Variants in RAB27B observed in about 807,000 individuals in gnomAD.
The protein encoded by RAB27B is RAB27B, member RAS oncogene family.
In RAB27B, 15 loss-of-function variants were observed where a neutral mutation model predicts 24.6. The observed-to-expected ratio is 0.61, with a 90% CI of 0.41 to 0.94. The LOEUF (loss-of-function observed/expected upper bound fraction) is 0.94, where lower values mean the gene tolerates loss of function less well. Ranked by LOEUF, RAB27B falls within the 40% of genes least tolerant of loss-of-function variation. The pLI, the probability that RAB27B is intolerant of heterozygous loss-of-function variation, is 0.00. For synonymous variants in RAB27B, 105 were observed against 92.5 expected (o/e 1.14, Z -0.78); for missense variants, 261 against 266.8 (o/e 0.98, Z 0.15).
intron 2 of RAB27B, among the ~76,000 whole-genome samples, chr18:54,803,885 C>T (rs952645845): frequency 3.3e-5 from 5 of 152,054 alleles, no homozygotes; most frequent in African/African-American, 1.2e-4. Context: ...TTTGGAATTT[C>T]TAGTGGTGAA....
At chr18:54,785,436 GTTTTTTTT>G (rs59750951) in intron 2 of RAB27B, among the ~76,000 whole-genome samples, 1 of 101,698 alleles carries the variant, frequency 9.8e-6, no homozygotes, top group Non-Finnish European at 1.8e-5. Context: ...CCTTCCTCAG[GTTTTTTTT>G]TTTTTTTTTT....
At chr18:54,749,596 TTG>T (rs1330910611) in intron 2 of RAB27B, among the ~76,000 whole-genome samples, 9 of 152,190 alleles carry the variant, frequency 5.9e-5, no homozygotes, top group Non-Finnish European at 1.3e-4. Flanking sequence ...GTTCTCTAGA[TTG>T]TGTTTCACTT....
intron 2 of RAB27B, among the ~76,000 whole-genome samples, chr18:54,794,220 T>TGAAC (rs2145117396): frequency 6.6e-6 from 1 of 152,318 alleles, no homozygotes; most frequent in Admixed American, 6.5e-5. Context: ...AAAGTAGCTA[T>TGAAC]TATAGCACCC....
intron 2 of RAB27B, among the ~76,000 whole-genome samples, chr18:54,761,183 G>A (rs1325871649): frequency 1.3e-5 from 2 of 152,042 alleles, no homozygotes; most frequent in African/African-American, 4.8e-5. Context: ...TTCATACTGA[G>A]CCCCATTGTA....
At chr18:54,823,494 A>T (rs908502660), upstream of RAB27B, among the ~76,000 whole-genome samples, 4 of 152,208 alleles carry the variant, frequency 2.6e-5, no homozygotes, top group African/African-American at 9.7e-5. Context: ...TCAGTGACTC[A>T]TGCTACTAAA....
At chr18:54,792,769 ATG>A (rs1297601058) in intron 2 of RAB27B, among the ~76,000 whole-genome samples, 1 of 152,222 alleles carries the variant, frequency 6.6e-6, no homozygotes, top group Non-Finnish European at 1.5e-5. Flanking sequence ...ATGGAAGAAA[ATG>A]TGTTTTACAA....
rs535697030 is a variant in RAB27B at position 54,888,388 on chromosome 18, A to G, written c.467+270A>G. Reference sequence around the variant, plus strand: ...CATAACTAGAGTTATCTCATTTTATATATAAGAATTGAGTCACAGAGAGAT... The same window carrying G: ...CATAACTAGAGTTATCTCATTTTATGTATAAGAATTGAGTCACAGAGAGAT... On this transcript the variant is annotated intron_variant, in intron 5 of 5. Coordinates refer to ENST00000262094, the MANE Select transcript of RAB27B (RefSeq NM_004163.4). 8.5e-5 allele frequency among the ~76,000 whole-genome samples: 13 copies of G among 152,304 alleles called. No individual in the cohort carries two copies. In the East Asian group the frequency reaches 1.5e-3, roughly 18 times the overall value.
At chr18:54,769,539 C>T (rs775196618) in intron 2 of RAB27B, among the ~76,000 whole-genome samples, 1 of 151,486 alleles carries the variant, frequency 6.6e-6, no homozygotes, top group Non-Finnish European at 1.5e-5. Context: ...ATGATTTGGT[C>T]TATTGGTTTT....
chr18:54,780,528 C>T (rs1481132800), intron 2 of RAB27B, among the ~76,000 whole-genome samples: 4 of 152,102 alleles, frequency 2.6e-5, no homozygotes, highest in Non-Finnish European at 5.9e-5. Flanking sequence ...TTGATGGCTT[C>T]CCCCTCACTG....
At chr18:54,839,680 T>C (rs1197438968) in intron 1 of RAB27B, among the ~76,000 whole-genome samples, 2 of 152,142 alleles carry the variant, frequency 1.3e-5, no homozygotes, top group Non-Finnish European at 1.5e-5. Context: ...ATGCTGAGAG[T>C]ATACCTAAAA....
intron 1 of RAB27B, among the ~76,000 whole-genome samples, chr18:54,849,070 C>T (rs1228973213): frequency 6.6e-6 from 1 of 152,148 alleles, no homozygotes; most frequent in Non-Finnish European, 1.5e-5. Context: ...GCTGATTTTT[C>T]AAAGCATGGA....
chr18:54,884,255 A>T, intron 3 of RAB27B, 78 bp from the exon 4 acceptor site: 1 of 878,660 alleles, frequency 1.1e-6, no homozygotes, highest in Non-Finnish European at 1.9e-6. Flanking sequence ...TCATACCTGA[A>T]AGGGAAACTG....
chr18:54,726,254 T>C lies in RAB27B; in HGVS notation c.-20+8113T>C, dbSNP rs776878387. Among the ~76,000 whole-genome samples the C allele has an allele frequency of 1.7e-4, 26 of 151,630 alleles. 2 individuals are homozygous for C. Among genetic ancestry groups the C allele is most frequent in the Non-Finnish European group, 2.9e-4 (20 of 67,800 alleles). Reference sequence around the variant, plus strand: ...TCATAAATCTGAGGGTTGCAAAGTATATTTAGTATTCCAGTTTAAGTTATC... The same window carrying C: ...TCATAAATCTGAGGGTTGCAAAGTACATTTAGTATTCCAGTTTAAGTTATC... On this transcript the variant is annotated intron_variant, in intron 2 of 4. Transcript: ENST00000586570.
rs1266692088 is a variant in RAB27B at position 54,887,981 on chromosome 18, G to A, written c.344-14G>A. ...TATCAATAACTTGCTGGTTCCATCT[G>A]CTTTCTTTTCAAGGCCAACTGCAAG... On this transcript the variant is annotated splice_polypyrimidine_tract_variant and intron_variant, in intron 4 of 5. Coordinates refer to ENST00000262094, the MANE Select transcript of RAB27B (RefSeq NM_004163.4). The A allele has an allele frequency of 6.2e-7, 1 of 1,607,106 alleles. No homozygotes were observed. Among genetic ancestry groups the A allele is most frequent in the South Asian group, 1.1e-5 (1 of 89,610 alleles).
chr18:54,722,958 AAAACT>A (rs1393205095), intron 2 of RAB27B, among the ~76,000 whole-genome samples: 4 of 152,352 alleles, frequency 2.6e-5, no homozygotes, highest in East Asian at 3.9e-4. Flanking sequence ...GTCAAAACAG[AAAACT>A]AAACTAAATT....
At chr18:54,850,139 G>A (rs1360444805) in intron 1 of RAB27B, among the ~76,000 whole-genome samples, 1 of 150,910 alleles carries the variant, frequency 6.6e-6, no homozygotes, top group East Asian at 1.9e-4. Context: ...AAACAAACTG[G>A]GCTCTGGCAT....
chr18:54,723,459 T>C (rs554803784), intron 2 of RAB27B, among the ~76,000 whole-genome samples: 1 of 152,342 alleles, frequency 6.6e-6, no homozygotes, highest in African/African-American at 2.4e-5. Context: ...CTTATGTTTA[T>C]TGCAAATAAA....
At chr18:54,718,383 T>A (rs1909255936) in intron 2 of RAB27B, among the ~76,000 whole-genome samples, 1 of 152,172 alleles carries the variant, frequency 6.6e-6, no homozygotes, top group Non-Finnish European at 1.5e-5. Flanking sequence ...CAACTGAGTT[T>A]GAATGGGAAA....
chr18:54,884,236 A>T, intron 3 of RAB27B, 97 bp from the exon 4 acceptor site: 1 of 720,898 alleles, frequency 1.4e-6, no homozygotes, highest in Non-Finnish European at 2.4e-6. Context: ...AGGGCCAGTC[A>T]CGGAGAATTC....
Sources: gnomAD v4.1 joint callset for allele counts (sites outside exome capture counted in the v4.1 genomes callset) on GRCh38, gnomAD v4.1.1 for gene constraint, MANE v1.5 for transcripts, NCBI Gene and HGNC (gene_info 2026-07-23, HGNC 2026-07-21) for gene names.